DDHD2: variants seen among roughly 807,000 people sequenced by gnomAD.
The protein encoded by DDHD2 is DDHD domain containing 2, also known as triacylglycerol hydrolase DDHD2.
In DDHD2, 62 loss-of-function variants were observed where a neutral mutation model predicts 91.2. That is an observed-to-expected ratio of 0.68 (90% CI 0.55 to 0.84). The LOEUF (loss-of-function observed/expected upper bound fraction) is 0.84. DDHD2 is among the 40% of genes least tolerant of loss of function. DDHD2 has a pLI of 0.00. For synonymous variants in DDHD2, 271 were observed against 293.9 expected, an observed-to-expected ratio of 0.92 and a Z score of 0.80; for missense variants, 740 against 846.9, an observed-to-expected ratio of 0.87 and a Z score of 1.57.
chr8:38,245,805 T>A lies in DDHD2; in HGVS notation c.912T>A (p.Ile304=), dbSNP rs139393309. ...TCAGGCACTTCACCAATGACACAATTCTGGATGTCTTCTTCTACAATAGTC... is the reference window on the plus strand; with the variant it reads ...TCAGGCACTTCACCAATGACACAATACTGGATGTCTTCTTCTACAATAGTC... ...NRLRHFTNDT[I]LDVFFYNSPT... is the part of the protein sequence containing the mutation. Residue 304 remains isoleucine, a synonymous_variant, in exon 8 of 18, where the codon ATT becomes ATA. Transcript: ENST00000397166. The A allele has an allele frequency of 7.8e-4, 1,266 of 1,614,194 alleles. 12 individuals carry two copies. The African/African-American group carries it at 0.015, about 19-fold the overall frequency.
downstream of DDHD2, chr8:38,267,297 G>A (rs753721177): frequency 1.2e-6 from 2 of 1,613,936 alleles, no homozygotes; most frequent in South Asian, 1.1e-5. Flanking sequence ...AAGCTCTTTC[G>A]GCCCTCATTC....
At chr8:38,258,984 A>G (rs536013309) in intron 16 of DDHD2, among the ~76,000 whole-genome samples, 4 of 152,352 alleles carry the variant, frequency 2.6e-5, no homozygotes, top group African/African-American at 7.2e-5. Flanking sequence ...CGCATGAGAA[A>G]TTGATAACAT....
downstream of DDHD2, among the ~76,000 whole-genome samples, chr8:38,265,238 C>A (rs1238529619): frequency 6.8e-6 from 1 of 146,462 alleles, no homozygotes; most frequent in East Asian, 2.0e-4. Context: ...TGCACTCCAG[C>A]CTGGGCGCAG....
chr8:38,233,238 A>C lies in DDHD2; in HGVS notation c.220+24A>C, dbSNP rs766076143. ...TGGTAGGTGAAAATTATGACTTGGA[A>C]TAGACAAAGACTCTCCCCTCTTCAA... On this transcript the variant is annotated intron_variant, in intron 2 of 17. Transcript: ENST00000397166. 5 of 1,569,224 alleles carry C rather than the reference A, an allele frequency of 3.2e-6. No homozygotes were observed. In the South Asian group the frequency reaches 3.4e-5, roughly 11 times the overall value.
At chr8:38,264,019 T>G, downstream of DDHD2, 1 of 986,452 alleles carries the variant, frequency 1.0e-6, no homozygotes, top group South Asian at 4.7e-5. Flanking sequence ...TGTAATCATT[T>G]GGAGGCAGAA....
chr8:38,259,998 A>G (rs1218238301), intron 16 of DDHD2, 42 bp from the exon 17 acceptor site: 2 of 1,258,170 alleles, frequency 1.6e-6, no homozygotes, highest in Middle Eastern at 1.9e-4. Flanking sequence ...ATTTGGCACA[A>G]GTGTTAGTTC....
chr8:38,235,873 GCACACACACACA>G (rs36055483), intron 3 of DDHD2, among the ~76,000 whole-genome samples: 1 of 147,680 alleles, frequency 6.8e-6, no homozygotes, highest in African/African-American at 2.5e-5. Flanking sequence ...AAGTACACGC[GCACACACACACA>G]CACACACACA....
At chr8:38,235,703 G>A (rs1169535879) in intron 3 of DDHD2, among the ~76,000 whole-genome samples, 20 of 144,304 alleles carry the variant, frequency 1.4e-4, no homozygotes, top group East Asian at 2.1e-4. Flanking sequence ...CCTGGGCAAC[G>A]AGCAAAACTC....
chr8:38,252,033 C>G lies in DDHD2; in HGVS notation c.1461+5C>G, dbSNP rs375678849. Reference sequence around the variant, plus strand: ...CTGGATGTTGGCATTGGGCAGGTAACTAATTCTCTTTGATCATTTTACAGC... The same window carrying G: ...CTGGATGTTGGCATTGGGCAGGTAAGTAATTCTCTTTGATCATTTTACAGC... On this transcript the variant is annotated splice_donor_5th_base_variant and intron_variant, in intron 12 of 17. Transcript: ENST00000397166. The G allele has an allele frequency of 5.2e-5, 84 of 1,612,790 alleles. No individual in the cohort carries two copies. The highest frequency in any genetic ancestry group is 6.2e-5 in the Non-Finnish European group (73 of 1,178,858).
At chr8:38,253,410 G>A (rs2130854701) in intron 15 of DDHD2, 146 bp from the exon 16 acceptor site, 3 of 804,772 alleles carry the variant, frequency 3.7e-6, no homozygotes, top group Middle Eastern at 5.5e-4. Flanking sequence ...GAGCTTGAAG[G>A]AGATTGAGAG....
At chr8:38,236,007 C>T (rs969762139) in intron 3 of DDHD2, among the ~76,000 whole-genome samples, 6 of 151,982 alleles carry the variant, frequency 3.9e-5, no homozygotes, top group Admixed American at 2.0e-4. Context: ...TGGAGTAGAG[C>T]GTTAGTATTT....
At position 38,261,890 on chromosome 8, in the gene DDHD2, T is replaced by A. The variant is rs1242940348; in HGVS notation, c.*1317T>A. Reference sequence around the variant, plus strand: ...ATTCCACAGGCCTCTGTTTATAGAGTGGCAAAGGCAGGCGAGCTGTGGTTT... The same window carrying A: ...ATTCCACAGGCCTCTGTTTATAGAGAGGCAAAGGCAGGCGAGCTGTGGTTT... On this transcript the variant is annotated 3_prime_UTR_variant, in exon 18 of 18. Transcript: ENST00000397166. 1 of 152,198 alleles carries A rather than the reference T, an allele frequency of 6.6e-6. No individual in the cohort carries two copies. Among genetic ancestry groups the A allele is most frequent in the East Asian group, 1.9e-4 (1 of 5,196 alleles). The allele number at this position is 152,198 out of a possible 1,614,324, so 9.4% of individuals were successfully genotyped here.
Position 38,252,217 on chromosome 8 carries a change from G to A in DDHD2, c.1547G>A (p.Arg516Gln), listed in dbSNP as rs1475417610. 1.3e-5 allele frequency: 21 copies of A among 1,613,944 alleles called. No individual in the cohort carries two copies. Among genetic ancestry groups the A allele is most frequent in the Admixed American group, 8.3e-5 (5 of 59,956 alleles). The change falls in exon 13 of 18, where the codon CGA becomes CAA. Residue 516 changes from arginine to glutamine, a missense_variant. Physicochemically the swap from Arg to Gln is conservative, Grantham distance 43. Around this residue, in one of 2 missense-constraint regions of DDHD2, gnomAD observed 693 missense variants for 764.2 expected, o/e 0.91. Coordinates refer to ENST00000397166, the MANE Select transcript of DDHD2 (RefSeq NM_015214.3). ...GSPIGMFLTV[R>Q]GLKRIDPNYR... ...CCCATTGGAATGTTCCTTACTGTCCGAGGACTAAAAAGAATTGATCCCAAC... is the reference window on the plus strand; with the variant it reads ...CCCATTGGAATGTTCCTTACTGTCCAAGGACTAAAAAGAATTGATCCCAAC...
chr8:38,233,099 C>T lies in DDHD2; in HGVS notation c.105C>T (p.Ser35=). 6.2e-7 allele frequency: 1 copy of T among 1,614,084 alleles called. No homozygotes were observed. The highest frequency in any genetic ancestry group is 8.5e-7 in the Non-Finnish European group (1 of 1,179,974). Reference sequence around the variant, plus strand: ...AGCTAATAGACATGGATGCTGGCAGCTTGTATGAACCAGTTTCTCCCCATT... The same window carrying T: ...AGCTAATAGACATGGATGCTGGCAGTTTGTATGAACCAGTTTCTCCCCATT... ...SFELIDMDAG[S]LYEPVSPHWF... is the part of the protein sequence containing the mutation. The change falls in exon 2 of 18, where the codon AGC becomes AGT. Residue 35 remains serine, a synonymous_variant. Coordinates refer to ENST00000397166, the MANE Select transcript of DDHD2 (RefSeq NM_015214.3).
intron 16 of DDHD2, 91 bp downstream of exon 16, chr8:38,253,809 T>C: frequency 2.0e-5 from 27 of 1,332,780 alleles, no homozygotes; most frequent in Non-Finnish European, 2.5e-5. Context: ...GCCAGGTGCA[T>C]TGGCTCAGGC....
chr8:38,268,553 C>A, intron 1 of DDHD2: 1 of 1,516,776 alleles, frequency 6.6e-7, no homozygotes, highest in Admixed American at 2.0e-5. Context: ...GCAGGACTCA[C>A]TGGAGCTAAC....
chr8:38,268,504 C>T lies in DDHD2; in HGVS notation n.88-2618C>T, dbSNP rs1247918748. Reference sequence around the variant, plus strand: ...AGGTTAAAAACAATCCAAAAAAAAGCCACACTCGTGCTCCTACAGGAAAGA... The same window carrying T: ...AGGTTAAAAACAATCCAAAAAAAAGTCACACTCGTGCTCCTACAGGAAAGA... On this transcript the variant is annotated intron_variant and non_coding_transcript_variant, in intron 1 of 1. Transcript: ENST00000526071. The T allele has an allele frequency of 2.6e-6, 4 of 1,546,352 alleles. No homozygotes were observed. In the African/African-American group the frequency reaches 5.5e-5, roughly 21 times the overall value.
rs1217285131 is a variant in DDHD2, at chr8:38,253,051, A to G, written c.1815A>G (p.Pro605=). The G allele has an allele frequency of 2.5e-6, 4 of 1,614,204 alleles. No homozygotes were observed. The East Asian group carries it at 8.9e-5, about 36-fold the overall frequency. ...CCTGGAAGTCTTTTACCAGAGCTCC[A>G]TACCCTGCCTTACAAGCTTCAGAAA... ...RMAWKSFTRA[P]YPALQASETP... The change falls in exon 15 of 18, where the codon CCA becomes CCG. Residue 605 remains proline, a synonymous_variant. Coordinates refer to ENST00000397166, the MANE Select transcript of DDHD2 (RefSeq NM_015214.3).
chr8:38,263,361 C>G, downstream of DDHD2: 2 of 984,938 alleles, frequency 2.0e-6, no homozygotes, highest in Non-Finnish European at 2.4e-6. Flanking sequence ...TGTCATTTTT[C>G]TTTTCTACCT....
Sources: gnomAD v4.1 joint callset for allele counts (sites outside exome capture counted in the v4.1 genomes callset) on GRCh38, gnomAD v4.1.1 for gene constraint, gnomAD v4.1.1 regional missense constraint, MANE v1.5 for transcripts, NCBI Gene and HGNC (gene_info 2026-07-23, HGNC 2026-07-21) for gene names.